The following RAPGEF6 variants were observed in gnomAD, a reference collection of about 807,000 sequenced individuals.
The protein encoded by RAPGEF6 is PDZ domain containing guanine nucleotide exchange factor (GEF) 2.
In RAPGEF6, 56 loss-of-function variants were observed where a neutral mutation model predicts 171.4. The ratio of observed to expected loss-of-function variants is 0.33; its 90% CI spans 0.26 to 0.41. The LOEUF is 0.41. RAPGEF6 is among the 10% of genes least tolerant of loss of function. RAPGEF6 has a pLI of 1.00. For missense variants in RAPGEF6, 1,674 were observed against 1,921.4 expected (o/e 0.87, Z 2.41); for synonymous variants, 692 against 650.1 (o/e 1.06, Z -0.98).
intron 17 of RAPGEF6, chr5:131,469,825 G>A: frequency 6.6e-7 from 1 of 1,519,188 alleles, no homozygotes; most frequent in Non-Finnish European, 8.8e-7. Flanking sequence ...GCTGTATGCA[G>A]CAAAAATAAA....
chr5:131,507,653 A>T (rs1046687486), intron 9 of RAPGEF6, among the ~76,000 whole-genome samples: 4 of 152,188 alleles, frequency 2.6e-5, no homozygotes, highest in African/African-American at 9.7e-5. Flanking sequence ...CATGTTCCTC[A>T]TTCTTTTTCT....
intron 26 of RAPGEF6, 81 bp from the exon 27 acceptor site, chr5:131,429,297 A>C: frequency 8.5e-7 from 1 of 1,182,948 alleles, no homozygotes; most frequent in South Asian, 1.6e-5. Flanking sequence ...ACTTATTACA[A>C]TGACAAAATA....
intron 1 of RAPGEF6, among the ~76,000 whole-genome samples, chr5:131,619,116 T>G (rs1340210296): frequency 6.6e-6 from 1 of 151,658 alleles, no homozygotes; most frequent in African/African-American, 2.4e-5. Flanking sequence ...TAACATACCT[T>G]GACTAGACCC....
chr5:131,528,083 T>TGTA (rs1759025841), intron 6 of RAPGEF6, among the ~76,000 whole-genome samples: 1 of 123,010 alleles, frequency 8.1e-6, no homozygotes, highest in Non-Finnish European at 1.6e-5. Flanking sequence ...TAATTTATAT[T>TGTA]ATATGTAATA....
intron 4 of RAPGEF6, among the ~76,000 whole-genome samples, chr5:131,574,689 T>C (rs536656690): frequency 4.0e-4 from 61 of 152,216 alleles, no homozygotes; most frequent in African/African-American, 1.3e-3. Context: ...CCACACCTCA[T>C]TGCTGCCCTT....
intron 6 of RAPGEF6, among the ~76,000 whole-genome samples, chr5:131,524,356 C>G (rs1392341621): frequency 1.3e-5 from 2 of 152,086 alleles, no homozygotes; most frequent in Non-Finnish European, 2.9e-5. Context: ...GCTCTCAGTT[C>G]CTTGCACTGT....
At chr5:131,490,465 A>G (rs1289516231) in intron 14 of RAPGEF6, among the ~76,000 whole-genome samples, 1 of 152,208 alleles carries the variant, frequency 6.6e-6, no homozygotes, top group Non-Finnish European at 1.5e-5. Flanking sequence ...AAATAATAAA[A>G]AGAGATCTAT....
At chr5:131,554,785 G>T (rs551627664) in intron 5 of RAPGEF6, among the ~76,000 whole-genome samples, 11 of 152,132 alleles carry the variant, frequency 7.2e-5, no homozygotes, top group Admixed American at 7.2e-4. Flanking sequence ...CCGAAGTGCT[G>T]GGATTACAGG....
At chr5:131,436,924 T>G (rs994226218) in intron 24 of RAPGEF6, among the ~76,000 whole-genome samples, 7 of 152,220 alleles carry the variant, frequency 4.6e-5, no homozygotes, top group South Asian at 2.1e-4. Flanking sequence ...GACTTCTTTT[T>G]TAAAGTTCTT....
rs778840346 is a variant in RAPGEF6, at chr5:131,431,216, T to C, written c.4108A>G (p.Ser1370Gly). 4.3e-6 allele frequency: 7 copies of C among 1,614,220 alleles called. No homozygotes were observed. Among genetic ancestry groups the C allele is most frequent in the Non-Finnish European group, 5.1e-6 (6 of 1,180,040 alleles). The change falls in exon 26 of 28, where the codon AGC becomes GGC. Residue 1370 changes from serine to glycine, a missense_variant. By Grantham distance (56) the Ser-to-Gly change is moderately conservative. Around this residue, in one of 3 missense-constraint regions of RAPGEF6, gnomAD observed 552 missense variants for 574.2 expected, o/e 0.96. Coordinates refer to ENST00000509018, the MANE Select transcript of RAPGEF6 (RefSeq NM_016340.6). The part of the protein sequence containing the change: ...SGRGSWTSCS[S>G]SSHDNFQSLP... ...CTTTGGAAGTTGTCATGGGAGCTGC[T>C]TGAACACGAAGTCCAACTTCCACGA...
intron 22 of RAPGEF6, among the ~76,000 whole-genome samples, chr5:131,443,911 A>G (rs1401015487): frequency 2.0e-5 from 3 of 152,256 alleles, no homozygotes; most frequent in African/African-American, 4.8e-5. Context: ...CAGTGCTTTT[A>G]TAAATCCATA....
chr5:131,620,365 C>A (rs1227193092), intron 1 of RAPGEF6, among the ~76,000 whole-genome samples: 1 of 152,192 alleles, frequency 6.6e-6, no homozygotes, highest in African/African-American at 2.4e-5. Context: ...CTACTGGACA[C>A]TGAACACTTT....
intron 6 of RAPGEF6, among the ~76,000 whole-genome samples, chr5:131,528,423 C>T (rs1759136991): frequency 6.9e-6 from 1 of 145,626 alleles, no homozygotes; most frequent in Non-Finnish European, 1.5e-5. Flanking sequence ...AAAGGAGAAC[C>T]TTGGGTATAT....
intron 1 of RAPGEF6, among the ~76,000 whole-genome samples, chr5:131,620,489 C>T (rs1162108990): frequency 2.6e-5 from 4 of 152,164 alleles, no homozygotes; most frequent in Admixed American, 6.5e-5. Context: ...ATTCTACTTT[C>T]GAAATATCTC....
intron 18 of RAPGEF6, among the ~76,000 whole-genome samples, chr5:131,462,419 G>A (rs1754000022): frequency 6.6e-6 from 1 of 152,186 alleles, no homozygotes; most frequent in Non-Finnish European, 1.5e-5. Flanking sequence ...TCTGACAGAG[G>A]ATTGGTACTA....
At chr5:131,497,739 C>A (rs887338614) in intron 12 of RAPGEF6, among the ~76,000 whole-genome samples, 11 of 152,196 alleles carry the variant, frequency 7.2e-5, no homozygotes, top group Admixed American at 3.9e-4. Flanking sequence ...TTACCTGCAA[C>A]TAGTTTATTT....
At chr5:131,541,246 C>T (rs939958195) in intron 6 of RAPGEF6, among the ~76,000 whole-genome samples, 4 of 152,184 alleles carry the variant, frequency 2.6e-5, no homozygotes, top group African/African-American at 9.7e-5. Context: ...GATGAATGGA[C>T]TCTTGGGAGC....
intron 3 of RAPGEF6, among the ~76,000 whole-genome samples, chr5:131,601,096 A>AAAG (rs1554086178): frequency 6.6e-6 from 1 of 151,274 alleles, no homozygotes; most frequent in African/African-American, 2.4e-5. Context: ...AAAAAAAAAA[A>AAAG]AAGAAGGCTG....
intron 7 of RAPGEF6, 29 bp from the exon 8 acceptor site, chr5:131,510,520 A>G (rs1757650550): frequency 6.3e-7 from 1 of 1,589,522 alleles, no homozygotes. Flanking sequence ...ATCACTTACC[A>G]TTTCATGTAA....
Sources: allele counts gnomAD v4.1 joint callset (sites outside exome capture counted in the v4.1 genomes callset), GRCh38; gene constraint gnomAD v4.1.1; regional missense constraint gnomAD v4.1.1; transcripts MANE v1.5; gene names NCBI Gene and HGNC (gene_info 2026-07-23, HGNC 2026-07-21).